The following RBM19 variants were observed in gnomAD, a reference collection of about 807,000 sequenced individuals.
The protein encoded by RBM19 is RNA binding motif protein 19.
In RBM19, 94 loss-of-function variants were observed where a neutral mutation model predicts 116.8. The ratio of observed to expected loss-of-function variants is 0.80; its 90% CI spans 0.68 to 0.95. RBM19 has a LOEUF of 0.95. Ranked by LOEUF, RBM19 falls within the 40% of genes least tolerant of loss-of-function variation. The probability of loss-of-function intolerance (pLI) is 0.00; values close to 1 mark genes in which losing one functional copy is unlikely to be tolerated. For synonymous variants in RBM19, 475 were observed against 494.1 expected (o/e 0.96, Z 0.51); for missense variants, 1,161 against 1,220.7 (o/e 0.95, Z 0.73).
In RBM19 at chr12:113,955,211, T is replaced by C. The variant is rs1566041292; in HGVS notation, c.841A>G (p.Thr281Ala). 1 of 1,613,940 alleles carries C rather than the reference T, an allele frequency of 6.2e-7. No homozygotes were observed. Among genetic ancestry groups the C allele is most frequent in the East Asian group, 2.2e-5 (1 of 44,882 alleles). ...TCCTTCTGGTTTGCTGGTTTCTCTGTCTGAGTGATCACAAAAACAAACAGA... is the reference window on the plus strand; with the variant it reads ...TCCTTCTGGTTTGCTGGTTTCTCTGCCTGAGTGATCACAAAAACAAACAGA... Reference protein sequence around the residue: ...KKRPPEARAETEKPANQKEPT... With the variant: ...KKRPPEARAEAEKPANQKEPT... The change falls in exon 7 of 24, where the codon ACA (threonine) becomes GCA (alanine). Residue 281 changes from threonine to alanine, a missense_variant and splice_region_variant. Transcript: ENST00000261741.
chr12:113,919,852 A>G (rs1203717382), intron 19 of RBM19, among the ~76,000 whole-genome samples: 4 of 151,588 alleles, frequency 2.6e-5, no homozygotes, highest in Admixed American at 2.6e-4. Context: ...CCCTGCCCCC[A>G]GCCATCGTCC....
intron 23 of RBM19, among the ~76,000 whole-genome samples, chr12:113,834,055 C>G (rs2135699115): frequency 6.6e-6 from 1 of 152,220 alleles, no homozygotes; most frequent in South Asian, 2.1e-4. Context: ...ATATTTTACC[C>G]TTTCTAATTT....
chr12:113,907,388 A>G (rs974088780), intron 21 of RBM19, among the ~76,000 whole-genome samples: 2 of 152,216 alleles, frequency 1.3e-5, no homozygotes, highest in Non-Finnish European at 2.9e-5. Flanking sequence ...GAGAGGCTCC[A>G]TCAACGCCAG....
At chr12:113,841,336 A>C (rs113654146) in intron 23 of RBM19, among the ~76,000 whole-genome samples, 1 of 151,918 alleles carries the variant, frequency 6.6e-6, no homozygotes, top group Non-Finnish European at 1.5e-5. Flanking sequence ...CATGGTCCCG[A>C]TGAGTTAGAA....
chr12:113,869,520 T>G (rs1015767121), intron 21 of RBM19, among the ~76,000 whole-genome samples: 1 of 152,248 alleles, frequency 6.6e-6, no homozygotes, highest in African/African-American at 2.4e-5. Flanking sequence ...TCTCCCCCAC[T>G]TTCTCCCCCT....
intron 23 of RBM19, among the ~76,000 whole-genome samples, chr12:113,835,902 C>T (rs1875835430): frequency 1.3e-5 from 2 of 152,214 alleles, no homozygotes; most frequent in South Asian, 2.1e-4. Context: ...GCCTGTTTGC[C>T]CAGCCTCCCT....
chr12:113,872,165 C>A (rs1464881624), intron 21 of RBM19, among the ~76,000 whole-genome samples: 1 of 148,774 alleles, frequency 6.7e-6, no homozygotes, highest in African/African-American at 2.4e-5. Context: ...TGGGGAGCGC[C>A]TCTGCCCTGC....
At chr12:113,953,261 G>A (rs1871624409) in intron 7 of RBM19, among the ~76,000 whole-genome samples, 1 of 152,228 alleles carries the variant, frequency 6.6e-6, no homozygotes, top group African/African-American at 2.4e-5. Context: ...GTCCAAGGCG[G>A]GTGATCACCC....
chr12:113,942,467 C>T (rs1202355695), intron 13 of RBM19, 33 bp from the exon 14 acceptor site: 3 of 1,560,282 alleles, frequency 1.9e-6, no homozygotes, highest in Non-Finnish European at 2.6e-6. Context: ...TTCTGGTTGG[C>T]TGTCGGCCAG....
intron 7 of RBM19, among the ~76,000 whole-genome samples, chr12:113,954,030 A>G (rs1043448761): frequency 3.3e-5 from 5 of 152,274 alleles, no homozygotes; most frequent in African/African-American, 9.6e-5. Flanking sequence ...GTCCCAATTT[A>G]GGGGACTGAG....
At chr12:113,904,055 G>A (rs1566006867) in intron 21 of RBM19, among the ~76,000 whole-genome samples, 1 of 152,092 alleles carries the variant, frequency 6.6e-6, no homozygotes, top group African/African-American at 2.4e-5. Context: ...TTCTGTCTTG[G>A]GGCCATTCCC....
intron 21 of RBM19, among the ~76,000 whole-genome samples, chr12:113,860,878 T>C (rs964862156): frequency 9.2e-5 from 14 of 152,080 alleles, no homozygotes; most frequent in African/African-American, 3.4e-4. Context: ...GGGCTCAGGG[T>C]AGAAGCCTGA....
intron 23 of RBM19, among the ~76,000 whole-genome samples, chr12:113,835,951 A>C (rs1875842955): frequency 6.6e-6 from 1 of 152,114 alleles, no homozygotes; most frequent in African/African-American, 2.4e-5. Context: ...CTGCGCACGG[A>C]TTTCTTCCAT....
intron 21 of RBM19, among the ~76,000 whole-genome samples, chr12:113,911,793 G>A (rs143252291): frequency 1.5e-3 from 235 of 152,260 alleles, no homozygotes; most frequent in South Asian, 4.2e-3. Flanking sequence ...TGCAGCGCAC[G>A]GGGCCGGGGA....
intron 9 of RBM19, 36 bp from the exon 10 acceptor site, chr12:113,949,072 C>A: frequency 6.4e-7 from 1 of 1,573,022 alleles, no homozygotes; most frequent in Non-Finnish European, 8.7e-7. Flanking sequence ...CAGGGGGAGG[C>A]CTAGAACTTG....
chr12:113,889,687 A>G (rs537872624), intron 21 of RBM19, among the ~76,000 whole-genome samples: 27 of 152,220 alleles, frequency 1.8e-4, no homozygotes, highest in South Asian at 6.2e-4. Context: ...AAAAAAAACA[A>G]AAAGACCCCA....
rs565724501 is a variant in RBM19 at position 113,841,426 on chromosome 12, T to C, written c.2785+3242A>G. 6.8e-5 allele frequency among the ~76,000 whole-genome samples: 10 copies of C among 147,294 alleles called. No individual in the cohort carries two copies. The East Asian group carries it at 1.2e-3, about 17-fold the overall frequency. On this transcript the variant is annotated intron_variant, in intron 23 of 23. Coordinates refer to ENST00000261741, the MANE Select transcript of RBM19 (RefSeq NM_016196.4). ...CTGGGACTTTCTTTTTCTTTTCTTT[T>C]TTTTTTTTTTTTTTTGAGATGGAGT...
At chr12:113,855,168 G>A (rs4767146) in intron 22 of RBM19, among the ~76,000 whole-genome samples, 19,936 of 152,228 alleles carry the variant, frequency 0.13, 1,298 homozygotes, top group African/African-American at 0.14. Context: ...CGGTGGAGAC[G>A]GCATGTGCTC....
intron 16 of RBM19, among the ~76,000 whole-genome samples, chr12:113,932,315 C>A (rs1007104583): frequency 4.6e-5 from 7 of 152,234 alleles, no homozygotes; most frequent in South Asian, 2.1e-4. Flanking sequence ...CCTGGGCCTG[C>A]AGCGAGCACT....
Sources: allele counts gnomAD v4.1 joint callset (sites outside exome capture counted in the v4.1 genomes callset), GRCh38; gene constraint gnomAD v4.1.1; transcripts MANE v1.5; gene names NCBI Gene and HGNC (gene_info 2026-07-23, HGNC 2026-07-21).